The following ZCWPW2 variants were observed in gnomAD, a reference collection of about 807,000 sequenced individuals.
ZCWPW2 encodes the protein zinc finger CW-type PWWP domain protein 2.
A neutral mutation model predicts 46.6 loss-of-function variants in ZCWPW2; 45 were observed. The observed-to-expected ratio is 0.96, with a 90% confidence interval of 0.76 to 1.24. ZCWPW2 has a LOEUF of 1.24. ZCWPW2 is among the 50% of genes most tolerant of loss of function. The pLI, the probability that ZCWPW2 is intolerant of heterozygous loss-of-function variation, is 0.00. For synonymous variants in ZCWPW2, 152 were observed against 137.1 expected (o/e 1.11, Z -0.76); for missense variants, 429 against 403.9 (o/e 1.06, Z -0.53).
At chr3:28,461,008 C>T (rs1452341521) in intron 4 of ZCWPW2, 2 of 264,960 alleles carry the variant, frequency 7.5e-6, no homozygotes, top group Non-Finnish European at 8.6e-6. Flanking sequence ...TTGCTACAGA[C>T]ATATAAGAAA....
intron 6 of ZCWPW2, among the ~76,000 whole-genome samples, chr3:28,494,606 G>T (rs1370112290): frequency 6.7e-6 from 1 of 149,382 alleles, no homozygotes; most frequent in African/African-American, 2.5e-5. Flanking sequence ...GGAAATAAAG[G>T]GTATTCAATT....
At chr3:28,490,831 A>G (rs1699783460) in intron 5 of ZCWPW2, among the ~76,000 whole-genome samples, 1 of 152,254 alleles carries the variant, frequency 6.6e-6, no homozygotes, top group South Asian at 2.1e-4. Context: ...ACATTGTTTT[A>G]TATCTTATAC....
chr3:28,508,259 C>A (rs1700332429), intron 6 of ZCWPW2, among the ~76,000 whole-genome samples: 1 of 152,098 alleles, frequency 6.6e-6, no homozygotes. Flanking sequence ...CACTGGGGCT[C>A]AAATTTCAAC....
intron 4 of ZCWPW2, among the ~76,000 whole-genome samples, chr3:28,471,254 AT>A (rs1323904795): frequency 1.3e-5 from 2 of 152,194 alleles, no homozygotes; most frequent in Non-Finnish European, 2.9e-5. Context: ...AACTCATTCT[AT>A]GAGGCCAGTA....
rs1319238054 is a variant in ZCWPW2, at chr3:28,391,381, A to ACATG, written c.-14+766_-14+767insTGCA. 3.9e-3 allele frequency among the ~76,000 whole-genome samples: 362 copies of ACATG among 92,776 alleles called. 1 individual carries two copies. The highest frequency in any genetic ancestry group is 1.0e-2 in the African/African-American group (328 of 32,958). 60.9% of individuals were successfully genotyped at this position (92,776 alleles called of 152,430 possible). Reference sequence around the variant, plus strand: ...CACACACACACACACACACACATGCACACACACACACACACACAAAGCCAA... The same window carrying ACATG: ...CACACACACACACACACACACATGCACATGCACACACACACACACACAAAGCCAA... On this transcript the variant is annotated intron_variant, in intron 2 of 9. Coordinates refer to ENST00000383768, the MANE Select transcript of ZCWPW2 (RefSeq NM_001040432.4).
At chr3:28,462,477 T>C (rs1698677067) in intron 4 of ZCWPW2, among the ~76,000 whole-genome samples, 1 of 152,220 alleles carries the variant, frequency 6.6e-6, no homozygotes, top group African/African-American at 2.4e-5. Context: ...ACAATGACTT[T>C]CTGATTTATG....
intron 9 of ZCWPW2, among the ~76,000 whole-genome samples, chr3:28,523,442 T>G (rs1268771089): frequency 3.9e-5 from 6 of 152,126 alleles, no homozygotes; most frequent in Non-Finnish European, 8.8e-5. Context: ...TTAATATGTC[T>G]CCCAAAAACA....
In ZCWPW2 at chr3:28,473,500, A is replaced by G. The variant is rs561758111; in HGVS notation, c.493-5314A>G. ...AAAAAAAAAACAAAAAAATAGAGCT[A>G]CTATATGATCCAGCCATCCCACTCC... is the stretch of plus-strand genomic sequence containing the variant. On this transcript the variant is annotated intron_variant, in intron 4 of 9. Transcript: ENST00000383768. Among the ~76,000 whole-genome samples, 11 of 152,128 alleles carry G rather than the reference A, an allele frequency of 7.2e-5. No individual in the cohort carries two copies. The South Asian group carries it at 2.1e-3, about 29-fold the overall frequency.
chr3:28,445,727 C>T (rs1697965929), intron 4 of ZCWPW2, among the ~76,000 whole-genome samples: 1 of 151,988 alleles, frequency 6.6e-6, no homozygotes, highest in South Asian at 2.1e-4. Context: ...ACTCCCCAGT[C>T]AAAAGACAGA....
intron 3 of ZCWPW2, among the ~76,000 whole-genome samples, chr3:28,423,753 C>T (rs1181767616): frequency 2.0e-5 from 3 of 152,066 alleles, no homozygotes. Flanking sequence ...TGTTGCAATC[C>T]ACCTCACAGT....
chr3:28,357,190 A>C (rs1704769922), intron 1 of ZCWPW2, among the ~76,000 whole-genome samples: 1 of 152,178 alleles, frequency 6.6e-6, no homozygotes, highest in South Asian at 2.1e-4. Context: ...GAGGAGAGCC[A>C]TTTTATAAAG....
intron 1 of ZCWPW2, among the ~76,000 whole-genome samples, chr3:28,388,892 C>T (rs988400945): frequency 6.6e-6 from 1 of 152,164 alleles, no homozygotes; most frequent in African/African-American, 2.4e-5. Flanking sequence ...CGTGGTAATA[C>T]TGAGATGCCC....
rs149670997 is a variant in ZCWPW2 at position 28,439,318 on chromosome 3, C to T, written c.492+4049C>T. Among the ~76,000 whole-genome samples the T allele has an allele frequency of 1.0e-3, 153 of 151,964 alleles. No individual in the cohort carries two copies. In the East Asian group the frequency reaches 0.024, roughly 24 times the overall value. ...GTTTAAGGGCAGGAAGCATCCAGCA[C>T]GGGAGAAAGATGTAGGCTGGGAGGC... is the stretch of plus-strand genomic sequence containing the variant. On this transcript the variant is annotated intron_variant, in intron 4 of 9. Coordinates refer to ENST00000383768, the MANE Select transcript of ZCWPW2 (RefSeq NM_001040432.4).
intron 7 of ZCWPW2, 82 bp downstream of exon 7, chr3:28,514,204 C>A (rs1455018079): frequency 4.7e-5 from 43 of 918,030 alleles, no homozygotes; most frequent in Non-Finnish European, 6.4e-5. Context: ...CGGCTAATAA[C>A]CCTAAACAAC....
chr3:28,360,875 C>T (rs1476318003), intron 1 of ZCWPW2, among the ~76,000 whole-genome samples: 1 of 152,080 alleles, frequency 6.6e-6, no homozygotes, highest in Non-Finnish European at 1.5e-5. Flanking sequence ...TTAATCAAAA[C>T]AGTATGGTAC....
At chr3:28,349,226 T>G in intron 1 of ZCWPW2, 23 bp downstream of exon 1, 2 of 984,568 alleles carry the variant, frequency 2.0e-6, no homozygotes, top group Non-Finnish European at 2.4e-6. Context: ...CCAGCCGTCT[T>G]GTCTGTTGGG....
chr3:28,439,782 G>A (rs915417629), intron 4 of ZCWPW2, among the ~76,000 whole-genome samples: 2 of 152,142 alleles, frequency 1.3e-5, no homozygotes, highest in Admixed American at 1.3e-4. Context: ...AAGGAAAAAG[G>A]AAATAAAATG....
intron 5 of ZCWPW2, among the ~76,000 whole-genome samples, chr3:28,480,407 TG>T (rs1699387091): frequency 6.6e-6 from 1 of 152,000 alleles, no homozygotes; most frequent in Admixed American, 6.6e-5. Context: ...CACTTTTTAA[TG>T]GTTTTTTTTT....
At chr3:28,357,794 A>ATT (rs1324968655) in intron 1 of ZCWPW2, among the ~76,000 whole-genome samples, 7 of 139,834 alleles carry the variant, frequency 5.0e-5, no homozygotes, top group African/African-American at 1.2e-4. Flanking sequence ...TAGTTGGTAT[A>ATT]TTTTATATAT....
Sources: gnomAD v4.1 joint callset for allele counts (sites outside exome capture counted in the v4.1 genomes callset) on GRCh38, gnomAD v4.1.1 for gene constraint, MANE v1.5 for transcripts, NCBI Gene and HGNC (gene_info 2026-07-23, HGNC 2026-07-21) for gene names.